TLK2: variants seen among roughly 807,000 people sequenced by gnomAD.
TLK2 encodes the protein tousled like kinase 2.
In TLK2, 6 loss-of-function variants were observed where a neutral mutation model predicts 117.3. The observed-to-expected ratio is 0.05, with a 90% CI of 0.03 to 0.10. The LOEUF is 0.10. Ranked by LOEUF, TLK2 falls within the 10% of genes least tolerant of loss-of-function variation. The pLI is 1.00. For missense variants in TLK2, 299 were observed against 901.2 expected, an observed-to-expected ratio of 0.33 and a Z score of 8.56; for synonymous variants, 257 against 316.7, an observed-to-expected ratio of 0.81 and a Z score of 2.00.
chr17:62,510,491 A>G (rs2075059117), intron 2 of TLK2, among the ~76,000 whole-genome samples: 1 of 152,212 alleles, frequency 6.6e-6, no homozygotes, highest in African/African-American at 2.4e-5. Flanking sequence ...AGGTAGGGCA[A>G]CCATAACAGA....
At position 62,602,656 on chromosome 17, in the gene TLK2, C is replaced by T. The variant is rs190759597; in HGVS notation, c.1859+476C>T. On this transcript the variant is annotated intron_variant, in intron 19 of 21. Transcript: ENST00000346027. ...AACTATAGCGCATATGAAATCTATA[C>T]AGGAAAAAGTGACTACAATTTACCA... 9.5e-4 allele frequency among the ~76,000 whole-genome samples: 144 copies of T among 152,244 alleles called. 1 individual carries two copies. The highest frequency in any genetic ancestry group is 3.2e-3 in the African/African-American group (133 of 41,532).
upstream of TLK2, among the ~76,000 whole-genome samples, chr17:62,478,576 G>A (rs1169953427): frequency 6.6e-6 from 1 of 150,468 alleles, no homozygotes; most frequent in African/African-American, 2.4e-5. Flanking sequence ...CCCGCCCTCA[G>A]CCGTCCGGCG....
At chr17:62,595,775 TAAG>T (rs1374229444) in intron 16 of TLK2, among the ~76,000 whole-genome samples, 1 of 152,166 alleles carries the variant, frequency 6.6e-6, no homozygotes, top group Non-Finnish European at 1.5e-5. Flanking sequence ...ATTGTTTTTG[TAAG>T]AAGGATTTAA....
chr17:62,578,410 T>A, intron 13 of TLK2, 67 bp from the exon 14 acceptor site: 1 of 1,289,016 alleles, frequency 7.8e-7, no homozygotes, highest in Non-Finnish European at 1.1e-6. Context: ...GCTATTGTTT[T>A]TGAAATAAGA....
At chr17:62,590,871 T>G (rs768882360) in intron 16 of TLK2, among the ~76,000 whole-genome samples, 32 of 152,364 alleles carry the variant, frequency 2.1e-4, no homozygotes, top group Admixed American at 1.3e-4. Context: ...CTCCTGCTTA[T>G]TGCCCTTAAG....
intron 2 of TLK2, among the ~76,000 whole-genome samples, chr17:62,492,230 A>G (rs890310088): frequency 6.6e-6 from 1 of 152,196 alleles, no homozygotes; most frequent in African/African-American, 2.4e-5. Context: ...TTCATTTTGT[A>G]TATATATAGC....
chr17:62,606,345 A>C (rs1257875449), intron 20 of TLK2, 104 bp downstream of exon 20: 2 of 545,088 alleles, frequency 3.7e-6, no homozygotes, highest in Non-Finnish European at 6.1e-6. Context: ...TTATTGGGTT[A>C]TACAAAATAG....
At position 62,479,264 on chromosome 17, in the gene TLK2, G is replaced by A; in HGVS notation, c.-32G>A. On this transcript the variant is annotated 5_prime_UTR_variant, in exon 1 of 22. It adds an upstream start codon to the 5' untranslated region. Coordinates refer to ENST00000346027, the MANE Select transcript of TLK2 (RefSeq NM_006852.6). Reference sequence around the variant, plus strand: ...GGTCGGGGCCCCTCCCGGGAGGAGCGTGGAGCGGCGGCGGCGGCGGCGGCA... The same window carrying A: ...GGTCGGGGCCCCTCCCGGGAGGAGCATGGAGCGGCGGCGGCGGCGGCGGCA... The A allele has an allele frequency of 6.0e-6, 1 of 167,354 alleles. No individual in the cohort carries two copies. Among genetic ancestry groups the A allele is most frequent in the Non-Finnish European group, 1.2e-5 (1 of 80,330 alleles). 10.4% of individuals were successfully genotyped at this position (167,354 alleles called of 1,614,324 possible).
At chr17:62,551,184 T>C (rs1311570899) in intron 7 of TLK2, among the ~76,000 whole-genome samples, 1 of 152,216 alleles carries the variant, frequency 6.6e-6, no homozygotes, top group Non-Finnish European at 1.5e-5. Flanking sequence ...CAGTAACTTG[T>C]TCAATAGTTG....
intron 6 of TLK2, among the ~76,000 whole-genome samples, chr17:62,534,833 T>C (rs1490407432): frequency 6.6e-6 from 1 of 151,558 alleles, no homozygotes; most frequent in African/African-American, 2.4e-5. Context: ...GATATTTTAA[T>C]TTTTGAAAAA....
intron 6 of TLK2, among the ~76,000 whole-genome samples, chr17:62,532,407 G>A (rs34739692): frequency 6.6e-6 from 1 of 152,092 alleles, no homozygotes; most frequent in African/African-American, 2.4e-5. Flanking sequence ...GTCATCAATG[G>A]GTATCACAGG....
At chr17:62,494,084 C>T (rs7406936) in intron 2 of TLK2, among the ~76,000 whole-genome samples, 142,220 of 152,182 alleles carry the variant, frequency 0.93, 67,217 homozygotes, top group East Asian at 1. Flanking sequence ...TTACTGTATT[C>T]TATTTTGTTT....
At chr17:62,535,200 T>C (rs2077032454) in intron 6 of TLK2, among the ~76,000 whole-genome samples, 1 of 152,084 alleles carries the variant, frequency 6.6e-6, no homozygotes, top group African/African-American at 2.4e-5. Context: ...TTCCAGTCTT[T>C]TAAGAGTTGC....
Position 62,536,238 on chromosome 17 carries a change from T to C in TLK2, c.432T>C (p.Ser144=), listed in dbSNP as rs760687297. Residue 144 remains serine, a synonymous_variant, in exon 7 of 22, where the codon TCT becomes TCC. Coordinates refer to ENST00000346027, the MANE Select transcript of TLK2 (RefSeq NM_006852.6). ...SAAKEATEEQ[S]ALPTLMSVML... is the part of the protein sequence containing the mutation. ...CAAAGGAGGCAACGGAGGAGCAGTC[T>C]GCTCTGCCAACCCTCATGTCAGTGA... is the stretch of plus-strand genomic sequence containing the variant. 1 of 1,613,200 alleles carries C rather than the reference T, an allele frequency of 6.2e-7. No homozygotes were observed. Among genetic ancestry groups the C allele is most frequent in the South Asian group, 1.1e-5 (1 of 91,036 alleles).
chr17:62,516,193 G>A (rs1028122230), intron 2 of TLK2: 1 of 601,624 alleles, frequency 1.7e-6, no homozygotes, highest in African/African-American at 1.9e-5. Flanking sequence ...CCAAAGTGCT[G>A]GGATTACAGG....
chr17:62,500,439 A>G (rs2074093811), intron 2 of TLK2, among the ~76,000 whole-genome samples: 1 of 152,246 alleles, frequency 6.6e-6, no homozygotes, highest in Admixed American at 6.5e-5. Context: ...TTGAGAAGAC[A>G]CAGCGGTCCT....
intron 1 of TLK2, among the ~76,000 whole-genome samples, chr17:62,472,729 C>A (rs1292439943): frequency 1.8e-4 from 27 of 150,658 alleles, no homozygotes; most frequent in African/African-American, 6.6e-4. Flanking sequence ...CGGAGCAAGA[C>A]CCCGTCTCAA....
At chr17:62,530,987 T>C (rs777675252) in intron 6 of TLK2, among the ~76,000 whole-genome samples, 5 of 152,214 alleles carry the variant, frequency 3.3e-5, no homozygotes, top group Non-Finnish European at 5.9e-5. Context: ...TTGCCTGTTG[T>C]TTCTTTGAAG....
intron 2 of TLK2, among the ~76,000 whole-genome samples, chr17:62,504,371 G>T (rs1402119587): frequency 6.6e-6 from 1 of 152,114 alleles, no homozygotes; most frequent in Non-Finnish European, 1.5e-5. Context: ...TCAGTGATTT[G>T]CCCAGTTTCA....
Sources: gnomAD v4.1 joint callset for allele counts (sites outside exome capture counted in the v4.1 genomes callset) on GRCh38, gnomAD v4.1.1 for gene constraint, MANE v1.5 for transcripts, NCBI Gene and HGNC (gene_info 2026-07-23, HGNC 2026-07-21) for gene names.